Variants in TRPC4 observed in about 807,000 individuals in gnomAD.
TRPC4 encodes the protein short transient receptor potential channel 4.
In TRPC4, 49 loss-of-function variants were observed where a neutral mutation model predicts 99.4. The observed-to-expected ratio is 0.49, with a 90% CI of 0.39 to 0.63. TRPC4 has a LOEUF of 0.63. TRPC4 is among the 20% of genes least tolerant of loss of function. The probability of loss-of-function intolerance (pLI) is 0.00; values close to 1 mark genes in which losing one functional copy is unlikely to be tolerated. For missense variants in TRPC4, 898 were observed against 1,152.9 expected, an observed-to-expected ratio of 0.78 and a Z score of 3.20; for synonymous variants, 454 against 425.9, an observed-to-expected ratio of 1.07 and a Z score of -0.81.
chr13:37,855,520 T>C (rs995701065), intron 1 of TRPC4, among the ~76,000 whole-genome samples: 1 of 151,742 alleles, frequency 6.6e-6, no homozygotes, highest in African/African-American at 2.4e-5. Flanking sequence ...ACTTGTGCTA[T>C]AGGACAAATA....
chr13:37,798,933 C>CT (rs5802904), intron 1 of TRPC4, among the ~76,000 whole-genome samples: 161 of 126,836 alleles, frequency 1.3e-3, no homozygotes, highest in African/African-American at 4.3e-3. Context: ...GGGAGGTAAT[C>CT]TTTTTTTTTT....
chr13:37,830,837 G>A (rs1488836810), intron 1 of TRPC4, among the ~76,000 whole-genome samples: 1 of 148,360 alleles, frequency 6.7e-6, no homozygotes, highest in East Asian at 1.9e-4. Context: ...ATAGTATAAA[G>A]TGTAGAAGGG....
rs1180428881 is a variant in TRPC4, at chr13:37,635,739, T to C, written c.*1164A>G. On this transcript the variant is annotated 3_prime_UTR_variant, in exon 11 of 11. Transcript: ENST00000379705. ...TAAGTTGCGAACACTTTCCTTGTAA[T>C]AGTTCAGTGAATTGTTATAAGCTAA... is the stretch of plus-strand genomic sequence containing the variant. Among the ~76,000 whole-genome samples the C allele has an allele frequency of 6.6e-6, 1 of 152,120 alleles. No homozygotes were observed. Among genetic ancestry groups the C allele is most frequent in the Non-Finnish European group, 1.5e-5 (1 of 67,996 alleles).
At chr13:37,763,563 G>T (rs1348213924) in intron 2 of TRPC4, among the ~76,000 whole-genome samples, 5 of 151,684 alleles carry the variant, frequency 3.3e-5, no homozygotes, top group African/African-American at 4.8e-5. Flanking sequence ...TAGTGGTCAT[G>T]CCTTTAGAGT....
In TRPC4 at chr13:37,673,119, C is replaced by T. The variant is rs376828927; in HGVS notation, c.1374+1109G>A. On this transcript the variant is annotated intron_variant, in intron 5 of 10. Transcript: ENST00000379705. Reference sequence around the variant, plus strand: ...CCTCCCCCCACCCCGCGACAGGCCCCAGTGTGTGATGTTCCCCACCCTGTG... The same window carrying T: ...CCTCCCCCCACCCCGCGACAGGCCCTAGTGTGTGATGTTCCCCACCCTGTG... 7.2e-4 allele frequency among the ~76,000 whole-genome samples: 95 copies of T among 131,552 alleles called. 1 individual carries two copies. In the East Asian group the frequency reaches 0.021, roughly 29 times the overall value. The allele number at this position is 131,552 out of a possible 152,430, so 86.3% of individuals were successfully genotyped here. A position where few individuals can be genotyped will look rare whatever the true frequency, so the allele number is the denominator to read the frequency against.
chr13:37,825,441 T>G (rs939757834), intron 1 of TRPC4, among the ~76,000 whole-genome samples: 1 of 152,140 alleles, frequency 6.6e-6, no homozygotes, highest in African/African-American at 2.4e-5. Flanking sequence ...CACACTGCTT[T>G]GAATGTGTTC....
At chr13:37,796,430 C>T (rs1391243392) in intron 1 of TRPC4, among the ~76,000 whole-genome samples, 1 of 152,048 alleles carries the variant, frequency 6.6e-6, no homozygotes. Flanking sequence ...TCCTTATTAC[C>T]CTGTATTACA....
At chr13:37,719,873 C>T (rs1954808650) in intron 3 of TRPC4, among the ~76,000 whole-genome samples, 2 of 152,024 alleles carry the variant, frequency 1.3e-5, no homozygotes, top group Non-Finnish European at 2.9e-5. Context: ...AATCAGCTAA[C>T]ATTAAAATAT....
chr13:37,763,801 T>C (rs1449205942), intron 2 of TRPC4, among the ~76,000 whole-genome samples: 1 of 151,500 alleles, frequency 6.6e-6, no homozygotes, highest in East Asian at 2.0e-4. Context: ...CATATTGGAG[T>C]ATGCGTGGGT....
At chr13:37,787,012 C>T (rs1247875352) in intron 1 of TRPC4, among the ~76,000 whole-genome samples, 3 of 151,740 alleles carry the variant, frequency 2.0e-5, no homozygotes, top group African/African-American at 7.3e-5. Context: ...GTTTTCTAAG[C>T]AACATAAAGA....
chr13:37,721,133 G>C (rs17056503), intron 3 of TRPC4, among the ~76,000 whole-genome samples: 25,345 of 152,072 alleles, frequency 0.17, 2,611 homozygotes, highest in African/African-American at 0.29. Context: ...TCATTTACAG[G>C]CTGCATCTTC....
intron 3 of TRPC4, among the ~76,000 whole-genome samples, chr13:37,745,436 GTATATA>G (rs1201385469): frequency 1.3e-3 from 26 of 20,668 alleles, no homozygotes; most frequent in South Asian, 2.7e-3. Flanking sequence ...ATATATATGC[GTATATA>G]TATATATATA....
intron 1 of TRPC4, among the ~76,000 whole-genome samples, chr13:37,857,454 C>T (rs542461534): frequency 5.9e-5 from 9 of 151,500 alleles, no homozygotes; most frequent in African/African-American, 2.2e-4. Context: ...GACCCAGAAT[C>T]GCCAAAGCTA....
At chr13:37,776,546 T>C (rs989060) in intron 2 of TRPC4, among the ~76,000 whole-genome samples, 1 of 151,630 alleles carries the variant, frequency 6.6e-6, no homozygotes, top group Non-Finnish European at 1.5e-5. Flanking sequence ...ACTGTCAATA[T>C]CCAGGATTTG....
intron 1 of TRPC4, among the ~76,000 whole-genome samples, chr13:37,814,732 T>G (rs896207886): frequency 2.4e-4 from 36 of 151,908 alleles, no homozygotes; most frequent in Non-Finnish European, 4.3e-4. Context: ...ATTGGAAATC[T>G]TAATGTAAAA....
chr13:37,862,997 A>G (rs941725199), intron 1 of TRPC4, among the ~76,000 whole-genome samples: 2 of 151,558 alleles, frequency 1.3e-5, no homozygotes, highest in African/African-American at 4.8e-5. Context: ...CTACCATTGT[A>G]TATTTACAAT....
chr13:37,810,986 G>T (rs532172242), intron 1 of TRPC4, among the ~76,000 whole-genome samples: 1 of 151,340 alleles, frequency 6.6e-6, no homozygotes, highest in African/African-American at 2.4e-5. Context: ...TATTATAATC[G>T]CATGCTTTCT....
chr13:37,648,949 C>T (rs890744862), intron 8 of TRPC4, among the ~76,000 whole-genome samples: 6 of 151,960 alleles, frequency 3.9e-5, no homozygotes, highest in African/African-American at 1.5e-4. Flanking sequence ...AACCAAGATT[C>T]TCTCTGCCAT....
At chr13:37,675,319 A>G (rs1438040333) in intron 4 of TRPC4, among the ~76,000 whole-genome samples, 1 of 152,188 alleles carries the variant, frequency 6.6e-6, no homozygotes, top group Non-Finnish European at 1.5e-5. Flanking sequence ...TTTAAAATAT[A>G]TGCACGTTCC....
Sources: allele counts gnomAD v4.1 joint callset (sites outside exome capture counted in the v4.1 genomes callset), GRCh38; gene constraint gnomAD v4.1.1; transcripts MANE v1.5; gene names NCBI Gene and HGNC (gene_info 2026-07-23, HGNC 2026-07-21).